The following DACH2 variants were observed in gnomAD, a reference collection of about 807,000 sequenced individuals.
DACH2 encodes dachshund family transcription factor 2, also known as dachshund homolog 2.
Under a neutral mutation model 35.8 loss-of-function variants are expected in DACH2, and 17 were observed. That is an observed-to-expected ratio of 0.48 (90% confidence interval 0.33 to 0.71). The LOEUF (loss-of-function observed/expected upper bound fraction) is 0.71, where lower values mean the gene tolerates loss of function less well. DACH2 is among the 30% of genes least tolerant of loss of function. DACH2 has a pLI of 0.02. For missense variants in DACH2, 469 were observed against 472.7 expected (o/e 0.99, Z 0.07); for synonymous variants, 195 against 177.3 (o/e 1.10, Z -0.79).
chrX:86,592,076 T>A (rs1022828097), intron 3 of DACH2, among the ~76,000 whole-genome samples: 1 of 111,171 alleles, frequency 9.0e-6, no homozygotes, highest in Non-Finnish European at 1.9e-5. Context: ...GCTTATGGTG[T>A]TATATCTAAA....
At position 86,552,656 on chromosome X, in the gene DACH2, A is replaced by G. The variant is rs148367574; in HGVS notation, c.640+38265A>G. 4.5e-3 allele frequency among the ~76,000 whole-genome samples: 501 copies of G among 112,384 alleles called. 5 individuals carry two copies. Among genetic ancestry groups the G allele is most frequent in the African/African-American group, 0.015 (478 of 31,054 alleles). On this transcript the variant is annotated intron_variant, in intron 3 of 11. Transcript: ENST00000373125. ...TTTAGCTGCACATGTAGTCAAGTGT[A>G]CTATAATTTTATTGAGAAATGCCTT...
chrX:86,254,097 T>G lies in DACH2; in HGVS notation c.488+104989T>G, dbSNP rs753946871. ...CTTGGGTATAATGGGAACATCAAAC[T>G]TCTTGTTAGATGATCAGCTTTAATC... On this transcript the variant is annotated intron_variant, in intron 1 of 11. Coordinates refer to ENST00000373125, the MANE Select transcript of DACH2 (RefSeq NM_053281.3). 1.1e-4 allele frequency among the ~76,000 whole-genome samples: 12 copies of G among 112,118 alleles called. No individual in the cohort carries two copies. The East Asian group carries it at 2.8e-3, about 26-fold the overall frequency.
intron 2 of DACH2, among the ~76,000 whole-genome samples, chrX:86,471,004 T>G (rs1602556840): frequency 9.0e-6 from 1 of 111,407 alleles, no homozygotes; most frequent in South Asian, 3.7e-4. Flanking sequence ...TTAAAGGTGT[T>G]TTTTAAAATT....
chrX:86,535,126 G>GT (rs1398936901), intron 3 of DACH2, among the ~76,000 whole-genome samples: 3 of 111,420 alleles, frequency 2.7e-5, no homozygotes, highest in Admixed American at 9.6e-5. Flanking sequence ...TTAATTTTAT[G>GT]TTTTTTTAGG....
chrX:86,611,738 G>A (rs1009124958), intron 3 of DACH2, among the ~76,000 whole-genome samples: 1 of 110,877 alleles, frequency 9.0e-6, no homozygotes, highest in Non-Finnish European at 1.9e-5. Flanking sequence ...TCTCCATGCT[G>A]TTTCTCTCCC....
intron 2 of DACH2, among the ~76,000 whole-genome samples, chrX:86,395,376 C>A (rs1018778388): frequency 1.8e-5 from 2 of 110,522 alleles, no homozygotes; most frequent in South Asian, 3.7e-4. Context: ...TATTATATTT[C>A]TTTTTTATTT....
At chrX:86,421,644 A>G (rs1375816530) in intron 2 of DACH2, among the ~76,000 whole-genome samples, 1 of 111,738 alleles carries the variant, frequency 8.9e-6, no homozygotes, top group African/African-American at 3.2e-5. Context: ...TTTTCCATAG[A>G]ATATTGATTT....
At chrX:86,321,966 G>C (rs959657067) in intron 1 of DACH2, among the ~76,000 whole-genome samples, 1 of 110,625 alleles carries the variant, frequency 9.0e-6, no homozygotes, top group African/African-American at 3.3e-5. Flanking sequence ...GGGGAGCTTT[G>C]GAGATGGTGG....
chrX:86,669,714 G>T (rs1418248512), intron 4 of DACH2, among the ~76,000 whole-genome samples: 2 of 111,238 alleles, frequency 1.8e-5, no homozygotes, highest in Non-Finnish European at 3.8e-5. Flanking sequence ...AACACATATG[G>T]TTCCATCAAT....
At chrX:86,665,009 T>C (rs2040650388) in intron 4 of DACH2, among the ~76,000 whole-genome samples, 1 of 111,798 alleles carries the variant, frequency 8.9e-6, no homozygotes, top group Non-Finnish European at 1.9e-5. Context: ...TTGTGCAAGG[T>C]TCCCCGGAGT....
chrX:86,464,588 ATGATGGGT>A (rs1272234469), intron 2 of DACH2, among the ~76,000 whole-genome samples: 1 of 111,322 alleles, frequency 9.0e-6, no homozygotes, highest in Non-Finnish European at 1.9e-5. Flanking sequence ...TAAAACCTAG[ATGATGGGT>A]TGATAGGTGC....
chrX:86,725,086 T>C (rs1006371902), intron 6 of DACH2, among the ~76,000 whole-genome samples: 3 of 110,833 alleles, frequency 2.7e-5, no homozygotes, highest in Non-Finnish European at 5.7e-5. Flanking sequence ...TGTCCTGAAT[T>C]GATTCTCCAA....
chrX:86,329,980 G>T (rs1209277855), intron 1 of DACH2, among the ~76,000 whole-genome samples: 1 of 111,737 alleles, frequency 8.9e-6, no homozygotes, highest in Non-Finnish European at 1.9e-5. Flanking sequence ...TGAAAATGGA[G>T]AAAACTGTGT....
At chrX:86,823,960 A>G (rs763513385) in intron 11 of DACH2, among the ~76,000 whole-genome samples, 7 of 111,938 alleles carry the variant, frequency 6.3e-5, no homozygotes, top group Non-Finnish European at 1.3e-4. Context: ...AACAAACATC[A>G]CAAGGCAAAG....
intron 7 of DACH2, among the ~76,000 whole-genome samples, chrX:86,775,984 A>T: frequency 9.0e-6 from 1 of 111,633 alleles, no homozygotes; most frequent in Admixed American, 9.6e-5. Flanking sequence ...GTCACTCAGT[A>T]AGTGGTGGAA....
At chrX:86,716,618 A>G (rs2041339635) in intron 6 of DACH2, among the ~76,000 whole-genome samples, 1 of 111,923 alleles carries the variant, frequency 8.9e-6, no homozygotes. Context: ...TAATAGAGGC[A>G]TGCATATGAC....
At chrX:86,748,592 T>C (rs765702553) in intron 7 of DACH2, among the ~76,000 whole-genome samples, 188 of 111,915 alleles carry the variant, frequency 1.7e-3, no homozygotes, top group African/African-American at 5.6e-3. Context: ...ATGCTGTAAA[T>C]AGATGTGCCA....
At chrX:86,572,891 C>A (rs1171646334) in intron 3 of DACH2, among the ~76,000 whole-genome samples, 1 of 111,566 alleles carries the variant, frequency 9.0e-6, no homozygotes, top group Admixed American at 9.6e-5. Flanking sequence ...CCTCCTCCCA[C>A]CCACCACTCT....
At chrX:86,679,131 C>T (rs1040499738) in intron 4 of DACH2, among the ~76,000 whole-genome samples, 7 of 103,593 alleles carry the variant, frequency 6.8e-5, no homozygotes, top group Middle Eastern at 4.3e-3. Flanking sequence ...TTTATACTTA[C>T]TTTATAAAAT....
Sources: allele counts gnomAD v4.1 joint callset (sites outside exome capture counted in the v4.1 genomes callset), GRCh38; gene constraint gnomAD v4.1.1; transcripts MANE v1.5; gene names NCBI Gene and HGNC (gene_info 2026-07-23, HGNC 2026-07-21).